The following STK33 variants were observed in gnomAD, a reference collection of about 807,000 sequenced individuals.
STK33 encodes the protein serine/threonine kinase 33, also known as serine/threonine-protein kinase 33.
A neutral mutation model predicts 58.0 loss-of-function variants in STK33; 52 were observed. The ratio of observed to expected loss-of-function variants is 0.90; its 90% CI spans 0.72 to 1.13. STK33 has a LOEUF of 1.13. Ranked by LOEUF, STK33 falls within the 50% of genes most tolerant of loss-of-function variation. The pLI, the probability that STK33 is intolerant of heterozygous loss-of-function variation, is 0.00. For synonymous variants in STK33, 215 were observed against 200.1 expected, an observed-to-expected ratio of 1.07 and a Z score of -0.63; for missense variants, 630 against 604.2, an observed-to-expected ratio of 1.04 and a Z score of -0.45.
chr11:8,560,863 G>A (rs1443895188), intron 1 of STK33, among the ~76,000 whole-genome samples: 1 of 152,122 alleles, frequency 6.6e-6, no homozygotes, highest in Non-Finnish European at 1.5e-5. Flanking sequence ...ATCTGAGAAT[G>A]CATAGCTGCT....
chr11:8,359,549 G>A, the STK33 span, among the ~76,000 whole-genome samples: 1 of 152,202 alleles, frequency 6.6e-6, no homozygotes. Context: ...TGGGTGGTCC[G>A]GGCAAGGCTT....
At chr11:8,403,045 A>G (rs1296255792) in intron 15 of STK33, among the ~76,000 whole-genome samples, 1 of 152,216 alleles carries the variant, frequency 6.6e-6, no homozygotes, top group Non-Finnish European at 1.5e-5. Context: ...GAGCTCCCGT[A>G]AGACTGTACA....
At chr11:8,504,366 C>A (rs777595414) in intron 1 of STK33, among the ~76,000 whole-genome samples, 1 of 152,192 alleles carries the variant, frequency 6.6e-6, no homozygotes, top group Non-Finnish European at 1.5e-5. Context: ...ACAATGGCAA[C>A]ACCCTAAGCA....
the STK33 span, among the ~76,000 whole-genome samples, chr11:8,377,235 G>C: frequency 1.3e-3 from 197 of 152,322 alleles, 1 homozygote; most frequent in African/African-American, 4.3e-3. Context: ...GATGCTGCTG[G>C]ATCCATTGCC....
At chr11:8,569,489 G>T (rs1957659902) in intron 1 of STK33, among the ~76,000 whole-genome samples, 1 of 152,132 alleles carries the variant, frequency 6.6e-6, no homozygotes, top group African/African-American at 2.4e-5. Flanking sequence ...ACACACAAAT[G>T]CAAAAGCTAA....
chr11:8,496,111 TGAAAAAGAAAA>T lies in STK33; in HGVS notation c.-465-15508_-465-15498del, dbSNP rs200315211. On this transcript the variant is annotated intron_variant, in intron 1 of 15. Transcript: ENST00000687296. The stretch of plus-strand genomic sequence containing the variant: ...TTAAAGTATAATAAAAAATTTTTTT[TGAAAAAGAAAA>T]GAAAAAGAAAAAGGAAGGACAAAAA... Among the ~76,000 whole-genome samples, 1,026 of 151,458 alleles carry T rather than the reference TGAAAAAGAAAA, an allele frequency of 6.8e-3. 13 individuals are homozygous for T. The highest frequency in any genetic ancestry group is 0.023 in the African/African-American group (932 of 41,244).
At chr11:8,435,448 A>G (rs764378197) in intron 14 of STK33, 46 bp downstream of exon 14, 3 of 1,010,524 alleles carry the variant, frequency 3.0e-6, no homozygotes, top group East Asian at 2.8e-5. Context: ...AAAAGAAATG[A>G]GCAATGGTAG....
chr11:8,578,327 T>G (rs770595065), intron 1 of STK33, among the ~76,000 whole-genome samples: 4 of 152,034 alleles, frequency 2.6e-5, no homozygotes, highest in Non-Finnish European at 4.4e-5. Flanking sequence ...ACAGCATCAC[T>G]TGTAATAGCA....
At chr11:8,534,611 T>C (rs1954845517) in intron 1 of STK33, among the ~76,000 whole-genome samples, 1 of 149,378 alleles carries the variant, frequency 6.7e-6, no homozygotes, top group African/African-American at 2.5e-5. Context: ...TCAAGGTAAA[T>C]TTTTTCATAC....
downstream of STK33, among the ~76,000 whole-genome samples, chr11:8,391,500 T>C (rs979898348): frequency 2.6e-5 from 4 of 152,204 alleles, no homozygotes; most frequent in Non-Finnish European, 5.9e-5. Flanking sequence ...TAAATGCAAC[T>C]AGTATATGCT....
chr11:8,496,537 T>C (rs891510387), intron 1 of STK33, among the ~76,000 whole-genome samples: 3 of 152,152 alleles, frequency 2.0e-5, no homozygotes. Context: ...TGGACAATCA[T>C]GTAAAAATTA....
At chr11:8,489,752 G>A (rs1950464153) in intron 1 of STK33, among the ~76,000 whole-genome samples, 1 of 152,128 alleles carries the variant, frequency 6.6e-6, no homozygotes, top group African/African-American at 2.4e-5. Context: ...AAACCTTAGT[G>A]ATACATAAAT....
At chr11:8,468,457 A>G (rs1028655463) in intron 6 of STK33, among the ~76,000 whole-genome samples, 14 of 152,222 alleles carry the variant, frequency 9.2e-5, no homozygotes, top group Non-Finnish European at 1.5e-4. Context: ...AGAAAATTCA[A>G]CGCCCAACTA....
chr11:8,358,406 G>T, the STK33 span, among the ~76,000 whole-genome samples: 7 of 152,334 alleles, frequency 4.6e-5, no homozygotes, highest in Non-Finnish European at 8.8e-5. Flanking sequence ...GGGGCGCCTT[G>T]TGCCTGTGTG....
At chr11:8,485,229 T>C (rs1300293981) in intron 1 of STK33, among the ~76,000 whole-genome samples, 2 of 152,154 alleles carry the variant, frequency 1.3e-5, no homozygotes, top group Middle Eastern at 3.2e-3. Flanking sequence ...AAAAAGTCCA[T>C]GCAGAAGAAT....
chr11:8,448,013 T>C (rs1344254508), intron 11 of STK33, among the ~76,000 whole-genome samples: 3 of 152,080 alleles, frequency 2.0e-5, no homozygotes, highest in Non-Finnish European at 4.4e-5. Flanking sequence ...AGCCAAATCG[T>C]TAGTGAACTC....
intron 1 of STK33, among the ~76,000 whole-genome samples, chr11:8,552,268 G>A (rs1210754770): frequency 2.0e-5 from 3 of 152,174 alleles, no homozygotes; most frequent in South Asian, 2.1e-4. Context: ...TCGATCCTGT[G>A]AGTCTATGGG....
chr11:8,416,194 G>T (rs965283935), intron 14 of STK33, among the ~76,000 whole-genome samples: 1 of 152,098 alleles, frequency 6.6e-6, no homozygotes, highest in Non-Finnish European at 1.5e-5. Context: ...AATAAAATAC[G>T]AATGGAGTAA....
At chr11:8,431,039 G>C (rs1943366842) in intron 14 of STK33, among the ~76,000 whole-genome samples, 1 of 151,844 alleles carries the variant, frequency 6.6e-6, no homozygotes, top group South Asian at 2.1e-4. Flanking sequence ...GCTAATTTTT[G>C]TATTTTTAGT....
Sources: allele counts gnomAD v4.1 joint callset (sites outside exome capture counted in the v4.1 genomes callset), GRCh38; gene constraint gnomAD v4.1.1; transcripts MANE v1.5; gene names NCBI Gene and HGNC (gene_info 2026-07-23, HGNC 2026-07-21).